GALNT9: variants seen among roughly 807,000 people sequenced by gnomAD.
GALNT9 encodes the protein polypeptide N-acetylgalactosaminyltransferase 9, also known as GalNAc transferase 9.
A neutral mutation model predicts 63.1 loss-of-function variants in GALNT9; 47 were observed. That is an observed-to-expected ratio of 0.75 (90% confidence interval 0.59 to 0.95). GALNT9 has a LOEUF of 0.95. GALNT9 is among the 40% of genes least tolerant of loss of function. The pLI, the probability that GALNT9 is intolerant of heterozygous loss-of-function variation, is 0.00. For synonymous variants in GALNT9, 396 were observed against 365.7 expected, an observed-to-expected ratio of 1.08 and a Z score of -0.94; for missense variants, 829 against 874.8, an observed-to-expected ratio of 0.95 and a Z score of 0.66.
rs1309420072 is a variant in GALNT9, at chr12:132,327,336, G to A, written c.238+1630C>T. Among the ~76,000 whole-genome samples, 4 of 152,064 alleles carry A rather than the reference G, an allele frequency of 2.6e-5. No homozygotes were observed. The highest frequency in any genetic ancestry group is 4.2e-4 in the South Asian group (2 of 4,790). On this transcript the variant is annotated intron_variant, in intron 1 of 10. Transcript: ENST00000328957. This position sits in a 1 kb window ranked among gnomAD's most constrained non-coding sequence, Gnocchi z 4.3. Reference sequence around the variant, plus strand: ...TTCCCGGAATGCTTCCTTATCTCCCGCCAATGTCAGCAAAGCGGATCATGG... The same window carrying A: ...TTCCCGGAATGCTTCCTTATCTCCCACCAATGTCAGCAAAGCGGATCATGG...
At chr12:132,210,829 AGGTCGCCG>A (rs1565987765) in intron 6 of GALNT9, among the ~76,000 whole-genome samples, 3 of 44,742 alleles carry the variant, frequency 6.7e-5, no homozygotes, top group East Asian at 4.8e-4. Flanking sequence ...CGCCGTCTGG[AGGTCGCCG>A]TCTGGAGGTC....
intron 2 of GALNT9, among the ~76,000 whole-genome samples, chr12:132,266,605 C>T (rs1175365363): frequency 6.6e-6 from 1 of 152,210 alleles, no homozygotes; most frequent in Non-Finnish European, 1.5e-5. Flanking sequence ...AGGGATCCTC[C>T]CTGAAGCCTC....
At chr12:132,308,788 GGCCCTTCTGA>G (rs1881704470) in intron 1 of GALNT9, among the ~76,000 whole-genome samples, 1 of 152,212 alleles carries the variant, frequency 6.6e-6, no homozygotes, top group African/African-American at 2.4e-5. Context: ...GAGACTCCTG[GGCCCTTCTGA>G]GCCACGTGTG....
At chr12:132,202,245 C>A (rs931939778) in intron 7 of GALNT9, among the ~76,000 whole-genome samples, 4 of 152,244 alleles carry the variant, frequency 2.6e-5, no homozygotes, top group African/African-American at 7.2e-5. Flanking sequence ...CCTGGAGCAC[C>A]TCACTCAGTT....
chr12:132,201,753 C>A (rs906999743), intron 7 of GALNT9, among the ~76,000 whole-genome samples: 10 of 152,038 alleles, frequency 6.6e-5, no homozygotes, highest in African/African-American at 9.6e-5. Context: ...TCCTTGGGAC[C>A]CCCCGCGGGG....
chr12:132,200,228 C>T lies in GALNT9; in HGVS notation c.1401+896G>A, dbSNP rs574094035. ...CCAGGGACCCTTTTCCTTGCCCCAT[C>T]CGAGTGCCAGCTCAGGGCTGGGACG... On this transcript the variant is annotated intron_variant, in intron 8 of 10. Coordinates refer to ENST00000328957, the MANE Select transcript of GALNT9 (RefSeq NM_001122636.2). 7.9e-5 allele frequency among the ~76,000 whole-genome samples: 12 copies of T among 152,310 alleles called. No individual in the cohort carries two copies. The South Asian group carries it at 2.3e-3, about 29-fold the overall frequency.
chr12:132,198,651 G>A (rs1180009762), intron 9 of GALNT9, among the ~76,000 whole-genome samples: 1 of 152,144 alleles, frequency 6.6e-6, no homozygotes, highest in Admixed American at 6.5e-5. Context: ...TGACCCCAAA[G>A]GCCTGGTTCC....
At chr12:132,321,688 C>T (rs1868806878) in intron 1 of GALNT9, among the ~76,000 whole-genome samples, 1 of 152,114 alleles carries the variant, frequency 6.6e-6, no homozygotes. Flanking sequence ...TCTCCTCATT[C>T]ACAATTCAGA....
chr12:132,262,120 G>T (rs1171312908), intron 3 of GALNT9, among the ~76,000 whole-genome samples: 2 of 152,238 alleles, frequency 1.3e-5, no homozygotes, highest in Non-Finnish European at 2.9e-5. Flanking sequence ...CTTTGTAGAT[G>T]TATCCGGTTG....
chr12:132,240,596 C>A (rs2136898777), intron 6 of GALNT9: 14 of 455,564 alleles, frequency 3.1e-5, no homozygotes, highest in Non-Finnish European at 5.7e-5. Flanking sequence ...CGGCTGTGGG[C>A]TCCGTGCGTG....
intron 2 of GALNT9, among the ~76,000 whole-genome samples, chr12:132,266,410 G>A (rs1193724703): frequency 2.0e-5 from 3 of 152,056 alleles, no homozygotes; most frequent in African/African-American, 4.8e-5. Flanking sequence ...GCCACCCACT[G>A]ATAAAGAGAT....
chr12:132,314,961 G>A (rs543946807), intron 1 of GALNT9, among the ~76,000 whole-genome samples: 1 of 152,314 alleles, frequency 6.6e-6, no homozygotes, highest in South Asian at 2.1e-4. Context: ...AAGCGCGACC[G>A]GGTGCCGGGC....
Position 132,197,963 on chromosome 12 carries a change from G to T in GALNT9, c.1498-4C>A. The T allele has an allele frequency of 1.9e-6, 3 of 1,604,202 alleles. No homozygotes were observed. The South Asian group carries it at 3.3e-5, about 18-fold the overall frequency. On this transcript the variant is annotated splice_polypyrimidine_tract_variant and splice_region_variant and intron_variant, in intron 9 of 10. Transcript: ENST00000328957. ...CATCAGCGCTGTACCGCACCAGCTGGGGACAGGACCACCGGGACTGTGTGT... is the reference window on the plus strand; with the variant it reads ...CATCAGCGCTGTACCGCACCAGCTGTGGACAGGACCACCGGGACTGTGTGT...
intron 4 of GALNT9, among the ~76,000 whole-genome samples, chr12:132,260,534 C>T (rs916495388): frequency 1.3e-4 from 20 of 152,210 alleles, no homozygotes; most frequent in South Asian, 2.1e-4. Context: ...CCTGAGAGGC[C>T]GGACTTCTGC....
intron 5 of GALNT9, among the ~76,000 whole-genome samples, chr12:132,254,992 A>T (rs1879059175): frequency 6.6e-6 from 1 of 152,202 alleles, no homozygotes. Context: ...AATTTTCAAA[A>T]AGAGTAGAAA....
chr12:132,259,476 C>A (rs1194034177), intron 4 of GALNT9, among the ~76,000 whole-genome samples: 1 of 152,120 alleles, frequency 6.6e-6, no homozygotes, highest in Non-Finnish European at 1.5e-5. Context: ...AAGCGCCCTG[C>A]GGAGGAGCGA....
chr12:132,328,448 G>T (rs1477799905), intron 1 of GALNT9, among the ~76,000 whole-genome samples: 1 of 152,212 alleles, frequency 6.6e-6, no homozygotes, highest in African/African-American at 2.4e-5. Context: ...AGGACAGGGG[G>T]CCGCCTAGCC....
At chr12:132,324,557 G>A (rs542481358) in intron 1 of GALNT9, among the ~76,000 whole-genome samples, 1 of 152,318 alleles carries the variant, frequency 6.6e-6, no homozygotes, top group South Asian at 2.1e-4. Context: ...TTGTGGCAGC[G>A]GGGGGTCTTT....
Position 132,236,689 on chromosome 12 carries a change from A to T in GALNT9, c.1077+11221T>A, listed in dbSNP as rs1036287641. On this transcript the variant is annotated intron_variant, in intron 6 of 10. Transcript: ENST00000328957. This position sits in a 1 kb window ranked among gnomAD's most constrained non-coding sequence, Gnocchi z 5.6. ...ATCCCGAAGATCGCCCAGCCTCGCA[A>T]GGTGTAAGGTTTCGGGGCATCAAGC... Among the ~76,000 whole-genome samples, 2 of 152,180 alleles carry T rather than the reference A, an allele frequency of 1.3e-5. No homozygotes were observed. Among genetic ancestry groups the T allele is most frequent in the African/African-American group, 4.8e-5 (2 of 41,428 alleles).
Sources: allele counts gnomAD v4.1 joint callset (sites outside exome capture counted in the v4.1 genomes callset), GRCh38; gene constraint gnomAD v4.1.1; non-coding constraint Gnocchi (gnomAD v3.1); transcripts MANE v1.5; gene names NCBI Gene and HGNC (gene_info 2026-07-23, HGNC 2026-07-21).